The following PDZRN4 variants were observed in gnomAD, a reference collection of about 807,000 sequenced individuals.
PDZRN4 encodes PDZ domain containing ring finger 4.
In PDZRN4, 70 loss-of-function variants were observed where a neutral mutation model predicts 99.0. The observed-to-expected ratio is 0.71, with a 90% confidence interval of 0.58 to 0.86. PDZRN4 has a LOEUF of 0.86. Ranked by LOEUF, PDZRN4 falls within the 40% of genes least tolerant of loss-of-function variation. The pLI, the probability that PDZRN4 is intolerant of heterozygous loss-of-function variation, is 0.00. For synonymous variants in PDZRN4, 551 were observed against 501.6 expected, an observed-to-expected ratio of 1.10 and a Z score of -1.32; for missense variants, 1,474 against 1,331.2, an observed-to-expected ratio of 1.11 and a Z score of -1.67.
chr12:41,358,712 A>C (rs1951944516), intron 3 of PDZRN4, among the ~76,000 whole-genome samples: 1 of 152,082 alleles, frequency 6.6e-6, no homozygotes, highest in East Asian at 1.9e-4. Context: ...CATCTTAGAA[A>C]GGTTTTCCTT....
rs375014544 is a variant in PDZRN4, at chr12:41,549,044, A to G, written c.1204-3612A>G. On this transcript the variant is annotated intron_variant, in intron 5 of 9. Coordinates refer to ENST00000402685, the MANE Select transcript of PDZRN4 (RefSeq NM_001164595.2). ...AGTACATTTAAGTCAAAATAAATGT[A>G]GTTTCACCAGGTGTGTGAAGTGATT... Among the ~76,000 whole-genome samples, 12 of 152,308 alleles carry G rather than the reference A, an allele frequency of 7.9e-5. No individual in the cohort carries two copies. In the East Asian group the frequency reaches 1.5e-3, roughly 20 times the overall value.
chr12:41,380,546 A>G (rs1259685980), intron 3 of PDZRN4, among the ~76,000 whole-genome samples: 2 of 152,054 alleles, frequency 1.3e-5, no homozygotes, highest in Non-Finnish European at 2.9e-5. Context: ...TAAATAAAAT[A>G]TTTTATAGTT....
intron 5 of PDZRN4, among the ~76,000 whole-genome samples, chr12:41,532,669 C>T (rs911910742): frequency 6.6e-6 from 1 of 152,122 alleles, no homozygotes; most frequent in Non-Finnish European, 1.5e-5. Flanking sequence ...GGTAAGAGTA[C>T]AGACTTCGGA....
intron 3 of PDZRN4, among the ~76,000 whole-genome samples, chr12:41,383,289 C>T (rs1334653209): frequency 1.3e-5 from 2 of 152,174 alleles, no homozygotes; most frequent in South Asian, 2.1e-4. Context: ...AGGGAAATGA[C>T]TCCAGCAAAG....
chr12:41,213,266 G>A (rs998577978), intron 3 of PDZRN4, among the ~76,000 whole-genome samples: 30 of 152,076 alleles, frequency 2.0e-4, no homozygotes, highest in African/African-American at 7.0e-4. Context: ...CCAGATGGAA[G>A]TGGGAGGCTG....
At chr12:41,285,804 G>C (rs563092410) in intron 3 of PDZRN4, among the ~76,000 whole-genome samples, 7 of 151,560 alleles carry the variant, frequency 4.6e-5, no homozygotes, top group African/African-American at 1.7e-4. Context: ...TGAACAATGA[G>C]AACATATGGG....
chr12:41,476,532 G>T (rs1293901761), intron 3 of PDZRN4, among the ~76,000 whole-genome samples: 3 of 152,178 alleles, frequency 2.0e-5, no homozygotes, highest in Non-Finnish European at 4.4e-5. Flanking sequence ...TCTAATGTTT[G>T]TTTTTGCCAG....
At chr12:41,409,049 A>G (rs1952372168) in intron 3 of PDZRN4, among the ~76,000 whole-genome samples, 1 of 152,194 alleles carries the variant, frequency 6.6e-6, no homozygotes, top group Non-Finnish European at 1.5e-5. Flanking sequence ...TATGGAATGC[A>G]TTTTAAAAGA....
intron 3 of PDZRN4, among the ~76,000 whole-genome samples, chr12:41,318,047 A>T: frequency 6.6e-6 from 1 of 152,090 alleles, no homozygotes. Context: ...TAGGTAGTTT[A>T]CTCATTAATG....
At chr12:41,452,274 CAAA>C (rs34065905) in intron 3 of PDZRN4, among the ~76,000 whole-genome samples, 2 of 135,638 alleles carry the variant, frequency 1.5e-5, no homozygotes, top group African/African-American at 2.7e-5. Flanking sequence ...CTAAAAAATA[CAAA>C]AAAAAAAAAA....
intron 5 of PDZRN4, among the ~76,000 whole-genome samples, chr12:41,522,759 T>C (rs1375341114): frequency 6.6e-6 from 1 of 152,170 alleles, no homozygotes; most frequent in African/African-American, 2.4e-5. Context: ...TAATAAAGTA[T>C]AGACGTTCAT....
chr12:41,233,600 A>G (rs1337237257), intron 3 of PDZRN4, among the ~76,000 whole-genome samples: 1 of 152,156 alleles, frequency 6.6e-6, no homozygotes, highest in Non-Finnish European at 1.5e-5. Context: ...ATGGAGTACT[A>G]TGCAGCCATA....
intron 3 of PDZRN4, among the ~76,000 whole-genome samples, chr12:41,357,274 C>G (rs1280058965): frequency 1.3e-5 from 2 of 151,820 alleles, no homozygotes; most frequent in African/African-American, 4.8e-5. Context: ...AACACTTATT[C>G]TGTGCCCTAT....
At chr12:41,283,495 T>A (rs1181208073) in intron 3 of PDZRN4, among the ~76,000 whole-genome samples, 1 of 152,156 alleles carries the variant, frequency 6.6e-6, no homozygotes, top group Non-Finnish European at 1.5e-5. Flanking sequence ...GAGGGAATCC[T>A]CCCTAACTCA....
At chr12:41,275,640 TAA>T (rs771307015) in intron 3 of PDZRN4, among the ~76,000 whole-genome samples, 7 of 151,908 alleles carry the variant, frequency 4.6e-5, no homozygotes, top group Non-Finnish European at 1.0e-4. Flanking sequence ...TAAAATTTTA[TAA>T]GAGTATACTG....
chr12:41,319,097 C>T (rs534731514), intron 3 of PDZRN4, among the ~76,000 whole-genome samples: 7 of 152,150 alleles, frequency 4.6e-5, no homozygotes, highest in African/African-American at 1.7e-4. Flanking sequence ...ATGCTTCAGA[C>T]CTCACTAGTA....
chr12:41,504,916 T>C (rs906989138), intron 3 of PDZRN4, among the ~76,000 whole-genome samples: 5 of 152,172 alleles, frequency 3.3e-5, no homozygotes, highest in Admixed American at 3.3e-4. Context: ...AATTGGGACA[T>C]ATTTTGCTGG....
chr12:41,289,862 T>C (rs897761241), intron 3 of PDZRN4, among the ~76,000 whole-genome samples: 1 of 152,238 alleles, frequency 6.6e-6, no homozygotes, highest in Non-Finnish European at 1.5e-5. Context: ...GCAAAGTTCT[T>C]TGCCATTAAC....
chr12:41,399,768 G>C (rs376448520), intron 3 of PDZRN4, among the ~76,000 whole-genome samples: 1 of 151,654 alleles, frequency 6.6e-6, no homozygotes, highest in Non-Finnish European at 1.5e-5. Context: ...AACCTATAGC[G>C]GTATGTTAAT....
Sources: gnomAD v4.1 joint callset for allele counts (sites outside exome capture counted in the v4.1 genomes callset) on GRCh38, gnomAD v4.1.1 for gene constraint, MANE v1.5 for transcripts, NCBI Gene and HGNC (gene_info 2026-07-23, HGNC 2026-07-21) for gene names.